Variants in ACER3 observed in about 807,000 individuals in gnomAD.
The protein encoded by ACER3 is alkaline ceramidase 3, also known as alkCDase 3.
Under a neutral mutation model 48.9 loss-of-function variants are expected in ACER3, and 16 were observed. The ratio of observed to expected loss-of-function variants is 0.33; its 90% confidence interval spans 0.22 to 0.50. The LOEUF is 0.50. ACER3 is among the 20% of genes least tolerant of loss of function. The pLI is 0.98. For synonymous variants in ACER3, 109 were observed against 107.8 expected (o/e 1.01, Z -0.07); for missense variants, 227 against 326.0 (o/e 0.70, Z 2.34).
intron 2 of ACER3, among the ~76,000 whole-genome samples, chr11:76,945,913 C>G (rs561150876): frequency 6.6e-6 from 1 of 152,284 alleles, no homozygotes; most frequent in South Asian, 2.1e-4. Flanking sequence ...AGGTATTGTC[C>G]TAGTTATGAG....
At chr11:76,909,866 A>G (rs1478224099) in intron 1 of ACER3, among the ~76,000 whole-genome samples, 1 of 152,206 alleles carries the variant, frequency 6.6e-6, no homozygotes, top group Non-Finnish European at 1.5e-5. Flanking sequence ...ACTTGGAACC[A>G]ACCCAGATGC....
chr11:76,940,179 C>T (rs1007221327), intron 2 of ACER3, among the ~76,000 whole-genome samples: 1 of 151,660 alleles, frequency 6.6e-6, no homozygotes, highest in Non-Finnish European at 1.5e-5. Context: ...GATGGGTTCT[C>T]ACTATGTTGG....
At chr11:76,965,928 A>C (rs929176255) in intron 3 of ACER3, among the ~76,000 whole-genome samples, 22 of 151,294 alleles carry the variant, frequency 1.5e-4, no homozygotes, top group Non-Finnish European at 2.4e-4. Flanking sequence ...AGCTAACATC[A>C]TAATGACAGG....
chr11:76,867,974 G>T, intron 1 of ACER3: 1 of 551,800 alleles, frequency 1.8e-6, no homozygotes, highest in Non-Finnish European at 2.8e-6. Flanking sequence ...CACTTAGATG[G>T]GGGAACAAGG....
intron 1 of ACER3, among the ~76,000 whole-genome samples, chr11:76,869,769 A>G (rs1945195270): frequency 6.6e-6 from 1 of 152,098 alleles, no homozygotes; most frequent in South Asian, 2.1e-4. Flanking sequence ...GTTTTATTTC[A>G]CTTAGTGTAA....
At chr11:76,981,695 A>G (rs1477594741) in intron 4 of ACER3, among the ~76,000 whole-genome samples, 1 of 152,182 alleles carries the variant, frequency 6.6e-6, no homozygotes, top group African/African-American at 2.4e-5. Context: ...TTTTGAGGGC[A>G]CTAATTTGCC....
chr11:76,897,255 C>T (rs1379824481), intron 1 of ACER3, among the ~76,000 whole-genome samples: 1 of 152,146 alleles, frequency 6.6e-6, no homozygotes, highest in African/African-American at 2.4e-5. Context: ...CCACACCTGG[C>T]CAGGGAGGAG....
At chr11:76,949,245 C>G (rs1042337009) in intron 2 of ACER3, among the ~76,000 whole-genome samples, 1 of 152,160 alleles carries the variant, frequency 6.6e-6, no homozygotes, top group Non-Finnish European at 1.5e-5. Flanking sequence ...TTAGAAGATG[C>G]AGATGGTACC....
At chr11:76,981,415 A>G (rs1293008147) in intron 4 of ACER3, among the ~76,000 whole-genome samples, 1 of 152,210 alleles carries the variant, frequency 6.6e-6, no homozygotes, top group African/African-American at 2.4e-5. Flanking sequence ...CACCCAGTTT[A>G]AGTGTATGGT....
intron 3 of ACER3, among the ~76,000 whole-genome samples, chr11:76,960,963 G>T (rs553734221): frequency 1.3e-5 from 2 of 152,258 alleles, no homozygotes; most frequent in African/African-American, 4.8e-5. Flanking sequence ...GAAGGTGAGA[G>T]TGACTTCTAC....
chr11:77,019,734 G>A lies in ACER3; in HGVS notation c.708G>A (p.Leu236=). 3 of 1,613,934 alleles carry A rather than the reference G, an allele frequency of 1.9e-6. No homozygotes were observed. The highest frequency in any genetic ancestry group is 2.5e-6 in the Non-Finnish European group (3 of 1,179,912). Residue 236 remains leucine, a synonymous_variant, in exon 10 of 11, where the codon TTG becomes TTA. Coordinates refer to ENST00000532485, the MANE Select transcript of ACER3 (RefSeq NM_018367.7). ...CCCCCTCCCACTTTTCTTTCAGTTT[G>A]TATACAAGAACACTTTACCTGAGAT... is the stretch of plus-strand genomic sequence containing the variant. ...LGSYLHILFS[L]YTRTLYLRYR...
chr11:76,943,338 C>A (rs998965911), intron 2 of ACER3, among the ~76,000 whole-genome samples: 2 of 151,830 alleles, frequency 1.3e-5, no homozygotes, highest in South Asian at 4.1e-4. Context: ...TGCTGTATAC[C>A]ACCAGTTTGG....
At chr11:76,977,021 G>T (rs7931646) in intron 4 of ACER3, among the ~76,000 whole-genome samples, 108,181 of 152,154 alleles carry the variant, frequency 0.71, 38,859 homozygotes, top group Non-Finnish European at 0.77. Context: ...ATGCTAATAT[G>T]TAACTGCTTT....
At chr11:76,898,769 T>G (rs920538928) in intron 1 of ACER3, among the ~76,000 whole-genome samples, 1 of 150,404 alleles carries the variant, frequency 6.6e-6, no homozygotes, top group Non-Finnish European at 1.5e-5. Flanking sequence ...CCGGGCGTAG[T>G]GGCGGGCGCC....
intron 1 of ACER3, chr11:76,868,312 C>G (rs1945147527): frequency 8.0e-7 from 1 of 1,257,602 alleles, no homozygotes; most frequent in Non-Finnish European, 1.0e-6. Flanking sequence ...GTTCATAAGT[C>G]AACTGAAGAA....
chr11:76,878,019 A>G (rs1314068636), intron 1 of ACER3, among the ~76,000 whole-genome samples: 1 of 151,380 alleles, frequency 6.6e-6, no homozygotes, highest in Non-Finnish European at 1.5e-5. Flanking sequence ...TAATTCATTT[A>G]TTTTTGCTGT....
At chr11:76,906,026 A>T (rs532791370) in intron 1 of ACER3, among the ~76,000 whole-genome samples, 1 of 152,380 alleles carries the variant, frequency 6.6e-6, no homozygotes, top group African/African-American at 2.4e-5. Context: ...GAAAGCTAAC[A>T]TGGCTGACTC....
chr11:76,947,484 A>G (rs1694900230), intron 2 of ACER3, among the ~76,000 whole-genome samples: 1 of 152,260 alleles, frequency 6.6e-6, no homozygotes, highest in African/African-American at 2.4e-5. Context: ...CGTCTTATCA[A>G]GGAGAAATTG....
chr11:76,998,847 A>G lies in ACER3; in HGVS notation c.497+26A>G. ...GTAAGTAGTTTGGATCATCTGCACCATGACTGAAGTATATTCAGACCTATA... is the reference window on the plus strand; with the variant it reads ...GTAAGTAGTTTGGATCATCTGCACCGTGACTGAAGTATATTCAGACCTATA... On this transcript the variant is annotated intron_variant, in intron 7 of 10. Coordinates refer to ENST00000532485, the MANE Select transcript of ACER3 (RefSeq NM_018367.7). The G allele has an allele frequency of 1.9e-6, 3 of 1,544,550 alleles. No homozygotes were observed. The South Asian group carries it at 3.6e-5, about 18-fold the overall frequency.
Sources: allele counts gnomAD v4.1 joint callset (sites outside exome capture counted in the v4.1 genomes callset), GRCh38; gene constraint gnomAD v4.1.1; transcripts MANE v1.5; gene names NCBI Gene and HGNC (gene_info 2026-07-23, HGNC 2026-07-21).